RORB: variants seen among roughly 807,000 people sequenced by gnomAD.
The protein encoded by RORB is RAR related orphan receptor B, also known as nuclear receptor ROR-beta.
RORB carries 6 observed loss-of-function variants against 59.1 expected under a neutral mutation model. The ratio of observed to expected loss-of-function variants is 0.10; its 90% CI spans 0.06 to 0.20. The LOEUF is 0.20. RORB is among the 10% of genes least tolerant of loss of function. RORB has a pLI of 1.00. For synonymous variants in RORB, 215 were observed against 204.5 expected (o/e 1.05, Z -0.44); for missense variants, 320 against 560.5 (o/e 0.57, Z 4.33).
At chr9:74,650,973 A>T (rs183302866) in intron 4 of RORB, among the ~76,000 whole-genome samples, 6 of 152,314 alleles carry the variant, frequency 3.9e-5, no homozygotes, top group African/African-American at 1.4e-4. Flanking sequence ...ATATGTCAAC[A>T]AAATTCAAAT....
In RORB at chr9:74,642,540, T is replaced by G. The variant is rs1587401877; in HGVS notation, c.362T>G (p.Val121Gly). 4.3e-6 allele frequency: 7 copies of G among 1,614,018 alleles called. No homozygotes were observed. Among genetic ancestry groups the G allele is most frequent in the Non-Finnish European group, 5.9e-6 (7 of 1,180,010 alleles). The change falls in exon 4 of 10, where the codon GTG becomes GGG. Residue 121 changes from valine to glycine, a missense_variant. Physicochemically the swap from Val to Gly is moderately radical, Grantham distance 109. Transcript: ENST00000376896. ...QSGEAEALAR[V>G]YSSSISNGLS... ...GGGGAGGCAGAAGCCCTTGCCAGGG[T>G]GTACAGCAGCAGCATTAGCAACGGC...
At chr9:74,560,639 TTCTTTTGA>T (rs1454721146) in intron 1 of RORB, among the ~76,000 whole-genome samples, 1 of 151,822 alleles carries the variant, frequency 6.6e-6, no homozygotes, top group Non-Finnish European at 1.5e-5. Flanking sequence ...ATCTTAGTCA[TTCTTTTGA>T]AATTTTTCTG....
At chr9:74,659,174 T>C (rs903226453) in intron 4 of RORB, among the ~76,000 whole-genome samples, 5 of 152,146 alleles carry the variant, frequency 3.3e-5, no homozygotes, top group African/African-American at 1.2e-4. Context: ...CTGTAGGAGA[T>C]TTTTGTTTAG....
intron 1 of RORB, among the ~76,000 whole-genome samples, chr9:74,627,127 A>G (rs965823368): frequency 6.7e-6 from 1 of 148,198 alleles, no homozygotes; most frequent in African/African-American, 2.5e-5. Flanking sequence ...GCGCCACTCC[A>G]CTCCAGCCTG....
intron 1 of RORB, among the ~76,000 whole-genome samples, chr9:74,542,415 T>G (rs1826422828): frequency 6.6e-6 from 1 of 152,140 alleles, no homozygotes; most frequent in Non-Finnish European, 1.5e-5. Flanking sequence ...CAGTGGACAT[T>G]AAATTGCAAA....
At chr9:74,535,194 C>T (rs528250911) in intron 1 of RORB, among the ~76,000 whole-genome samples, 1 of 151,932 alleles carries the variant, frequency 6.6e-6, no homozygotes, top group Non-Finnish European at 1.5e-5. Context: ...GTGTGTACAA[C>T]ATTTTACAAA....
chr9:74,662,422 A>T (rs1018683113), intron 5 of RORB, 52 bp from the exon 6 acceptor site: 4 of 1,590,398 alleles, frequency 2.5e-6, no homozygotes, highest in Non-Finnish European at 3.4e-6. Flanking sequence ...TGTTCTGTTG[A>T]CTCTCCGTAA....
chr9:74,590,598 G>A (rs571417617), intron 1 of RORB, among the ~76,000 whole-genome samples: 5 of 152,226 alleles, frequency 3.3e-5, no homozygotes, highest in South Asian at 2.1e-4. Flanking sequence ...TGCACACAGC[G>A]AGCTCTTTCC....
At chr9:74,601,599 C>T (rs1003276251) in intron 1 of RORB, among the ~76,000 whole-genome samples, 1 of 152,132 alleles carries the variant, frequency 6.6e-6, no homozygotes, top group Admixed American at 6.5e-5. Context: ...GATTACTACT[C>T]AATTCTCTAC....
intron 1 of RORB, among the ~76,000 whole-genome samples, chr9:74,530,994 A>AT (rs1403931876): frequency 1.3e-5 from 2 of 151,630 alleles, no homozygotes. Flanking sequence ...CCCAGAAATG[A>AT]TTTATAACTC....
chr9:74,573,002 C>G (rs1341604769), intron 1 of RORB, among the ~76,000 whole-genome samples: 1 of 152,164 alleles, frequency 6.6e-6, no homozygotes, highest in Non-Finnish European at 1.5e-5. Flanking sequence ...AAAATCTTAT[C>G]TTCTTTGTAT....
At chr9:74,517,602 T>G (rs1358500044) in intron 1 of RORB, among the ~76,000 whole-genome samples, 3 of 152,070 alleles carry the variant, frequency 2.0e-5, no homozygotes, top group African/African-American at 7.2e-5. Flanking sequence ...TTACCAGACA[T>G]TTTAATCTAA....
At chr9:74,560,319 C>T (rs1822376277) in intron 1 of RORB, among the ~76,000 whole-genome samples, 1 of 152,118 alleles carries the variant, frequency 6.6e-6, no homozygotes, top group African/African-American at 2.4e-5. Context: ...TGAAAGTACT[C>T]AGAATTCGAA....
At chr9:74,674,884 C>T (rs932081684) in intron 9 of RORB, among the ~76,000 whole-genome samples, 1 of 152,174 alleles carries the variant, frequency 6.6e-6, no homozygotes, top group South Asian at 2.1e-4. Flanking sequence ...GTGACTTTAA[C>T]TCTCTGTGCC....
At chr9:74,626,705 G>A (rs1050723044) in intron 1 of RORB, among the ~76,000 whole-genome samples, 1 of 152,194 alleles carries the variant, frequency 6.6e-6, no homozygotes, top group African/African-American at 2.4e-5. Context: ...GGAAACCGTA[G>A]TCAACAGCAT....
At chr9:74,513,602 A>T (rs1445402313) in intron 1 of RORB, among the ~76,000 whole-genome samples, 1 of 151,966 alleles carries the variant, frequency 6.6e-6, no homozygotes, top group Non-Finnish European at 1.5e-5. Flanking sequence ...TTTTTTGGAG[A>T]GTGGTATAAC....
chr9:74,566,115 T>C (rs773288949), intron 1 of RORB, among the ~76,000 whole-genome samples: 1 of 152,164 alleles, frequency 6.6e-6, no homozygotes, highest in Non-Finnish European at 1.5e-5. Flanking sequence ...TCTGCTGTCC[T>C]TTACCAACCC....
intron 6 of RORB, among the ~76,000 whole-genome samples, chr9:74,664,026 A>G (rs1238743270): frequency 1.6e-4 from 24 of 152,184 alleles, no homozygotes; most frequent in Admixed American, 1.6e-3. Flanking sequence ...ACTACTTAAT[A>G]GGGGAGTGGT....
At chr9:74,680,786 A>C (rs1009494230) in intron 9 of RORB, among the ~76,000 whole-genome samples, 2 of 152,202 alleles carry the variant, frequency 1.3e-5, no homozygotes, top group African/African-American at 4.8e-5. Flanking sequence ...TGATCAAACC[A>C]TTGCTGGCTT....
Sources: allele counts gnomAD v4.1 joint callset (sites outside exome capture counted in the v4.1 genomes callset), GRCh38; gene constraint gnomAD v4.1.1; transcripts MANE v1.5; gene names NCBI Gene and HGNC (gene_info 2026-07-23, HGNC 2026-07-21).